GABRB1: variants seen among roughly 807,000 people sequenced by gnomAD.
GABRB1 encodes gamma-aminobutyric acid type A receptor subunit beta1, also known as gamma-aminobutyric acid receptor subunit beta-1.
In GABRB1, 17 loss-of-function variants were observed where a neutral mutation model predicts 51.6. That is an observed-to-expected ratio of 0.33 (90% confidence interval 0.23 to 0.49). The LOEUF (loss-of-function observed/expected upper bound fraction) is 0.49. Ranked by LOEUF, GABRB1 falls within the 20% of genes least tolerant of loss-of-function variation. GABRB1 has a pLI of 0.99. For missense variants in GABRB1, 410 were observed against 600.6 expected (o/e 0.68, Z 3.32); for synonymous variants, 247 against 218.9 (o/e 1.13, Z -1.14).
chr4:47,091,038 C>T (rs949642165), intron 3 of GABRB1, among the ~76,000 whole-genome samples: 10 of 151,900 alleles, frequency 6.6e-5, no homozygotes, highest in South Asian at 4.2e-4. Flanking sequence ...GGCAACTTCC[C>T]CCATCCCACC....
chr4:47,179,843 C>T (rs976274157), intron 4 of GABRB1, among the ~76,000 whole-genome samples: 1 of 152,052 alleles, frequency 6.6e-6, no homozygotes, highest in African/African-American at 2.4e-5. Flanking sequence ...TTCTGGTTTT[C>T]TTCCCTTTCT....
chr4:47,155,780 T>C (rs1348162110), intron 3 of GABRB1, among the ~76,000 whole-genome samples: 1 of 151,684 alleles, frequency 6.6e-6, no homozygotes, highest in Non-Finnish European at 1.5e-5. Context: ...AACCATCTTA[T>C]GTCAGACTTC....
intron 4 of GABRB1, among the ~76,000 whole-genome samples, chr4:47,214,553 C>G (rs1048194639): frequency 2.6e-5 from 4 of 151,950 alleles, no homozygotes; most frequent in African/African-American, 9.7e-5. Flanking sequence ...AGAAAAATAC[C>G]CTATGGGAAA....
At chr4:47,138,199 T>C (rs10023824) in intron 3 of GABRB1, among the ~76,000 whole-genome samples, 2,517 of 152,144 alleles carry the variant, frequency 0.017, 62 homozygotes, top group African/African-American at 0.058. Flanking sequence ...TTTGCCCATT[T>C]AGGCTCATTG....
chr4:47,291,056 T>A (rs2109921863), intron 4 of GABRB1, among the ~76,000 whole-genome samples: 1 of 152,332 alleles, frequency 6.6e-6, no homozygotes, highest in South Asian at 2.1e-4. Flanking sequence ...GAGGTCTTCA[T>A]GGCAGCCCCT....
chr4:47,323,534 TGTATCAA>T (rs1186784721), intron 5 of GABRB1, among the ~76,000 whole-genome samples: 1 of 152,146 alleles, frequency 6.6e-6, no homozygotes, highest in African/African-American at 2.4e-5. Context: ...GACTTGACAG[TGTATCAA>T]GACTATACTG....
chr4:47,409,821 C>G (rs1292749031), intron 8 of GABRB1, among the ~76,000 whole-genome samples: 1 of 152,188 alleles, frequency 6.6e-6, no homozygotes, highest in Non-Finnish European at 1.5e-5. Flanking sequence ...TTTAAGCAAA[C>G]ACTTTCAGCT....
intron 3 of GABRB1, chr4:47,043,086 T>C (rs1725929216): frequency 6.6e-6 from 1 of 152,008 alleles, no homozygotes; most frequent in Admixed American, 6.6e-5. Context: ...ATTTAGCATG[T>C]CCTAAAGAAA....
chr4:47,040,428 A>G (rs1725789546), intron 3 of GABRB1, among the ~76,000 whole-genome samples: 1 of 152,092 alleles, frequency 6.6e-6, no homozygotes. Context: ...AATCAGAGGA[A>G]TTTAGTGACT....
At chr4:47,425,530 A>ATCTC in intron 8 of GABRB1, 144 bp from the exon 9 acceptor site, 2 of 637,352 alleles carry the variant, frequency 3.1e-6, no homozygotes, top group Non-Finnish European at 2.8e-6. Flanking sequence ...CGATCGATCT[A>ATCTC]TCTCCACATC....
intron 8 of GABRB1, among the ~76,000 whole-genome samples, 158 bp from the exon 9 acceptor site, chr4:47,425,516 A>AGATAGATAGATC (rs557382638): frequency 0.039 from 5,782 of 149,170 alleles, 131 homozygotes; most frequent in Middle Eastern, 0.044. Context: ...ATAGATAGAT[A>AGATAGATAGATC]GATCGATCGA....
intron 3 of GABRB1, among the ~76,000 whole-genome samples, chr4:47,152,527 C>T (rs558318913): frequency 1.3e-5 from 2 of 152,148 alleles, no homozygotes; most frequent in South Asian, 4.1e-4. Context: ...TCACCTTATG[C>T]TCTCTCCATG....
At chr4:47,372,101 G>T (rs1727217673) in intron 5 of GABRB1, among the ~76,000 whole-genome samples, 1 of 152,080 alleles carries the variant, frequency 6.6e-6, no homozygotes, top group African/African-American at 2.4e-5. Flanking sequence ...TCCATCTTGA[G>T]TTCATTTTTG....
intron 5 of GABRB1, among the ~76,000 whole-genome samples, chr4:47,326,836 C>T (rs911461628): frequency 1.3e-5 from 2 of 152,156 alleles, no homozygotes; most frequent in African/African-American, 2.4e-5. Flanking sequence ...GGCATTTTGT[C>T]ATAGCAATCC....
intron 8 of GABRB1, among the ~76,000 whole-genome samples, chr4:47,420,048 G>T (rs1411263637): frequency 6.6e-6 from 1 of 152,160 alleles, no homozygotes; most frequent in Non-Finnish European, 1.5e-5. Flanking sequence ...TTGGTTTGAG[G>T]AATATATGAT....
chr4:47,019,578 C>CTCTCT (rs1453751115), intron 1 of GABRB1, among the ~76,000 whole-genome samples: 11 of 100,044 alleles, frequency 1.1e-4, no homozygotes, highest in African/African-American at 3.9e-4. Context: ...TCTCTCTCTC[C>CTCTCT]CTCCTTCCTC....
At chr4:47,376,637 A>T (rs970930215) in intron 5 of GABRB1, among the ~76,000 whole-genome samples, 2 of 152,102 alleles carry the variant, frequency 1.3e-5, no homozygotes, top group Non-Finnish European at 2.9e-5. Flanking sequence ...ACTGAGCGAG[A>T]CTCCGTCTTA....
At chr4:47,366,325 T>C (rs1390560047) in intron 5 of GABRB1, among the ~76,000 whole-genome samples, 1 of 152,168 alleles carries the variant, frequency 6.6e-6, no homozygotes, top group Non-Finnish European at 1.5e-5. Flanking sequence ...TAGCAGAGTG[T>C]CTCCTAATGG....
chr4:47,166,614 T>C (rs2109747028), intron 4 of GABRB1, among the ~76,000 whole-genome samples: 1 of 152,218 alleles, frequency 6.6e-6, no homozygotes, highest in South Asian at 2.1e-4. Flanking sequence ...TATCAGTATG[T>C]TATTAATAGT....
Sources: gnomAD v4.1 joint callset for allele counts (sites outside exome capture counted in the v4.1 genomes callset) on GRCh38, gnomAD v4.1.1 for gene constraint, MANE v1.5 for transcripts, NCBI Gene and HGNC (gene_info 2026-07-23, HGNC 2026-07-21) for gene names.